The following CPEB4 variants were observed in gnomAD, a reference collection of about 807,000 sequenced individuals.
CPEB4 encodes cytoplasmic polyadenylation element binding protein 4.
A neutral mutation model predicts 72.5 loss-of-function variants in CPEB4; 12 were observed. The ratio of observed to expected loss-of-function variants is 0.17; its 90% CI spans 0.11 to 0.27. The LOEUF is 0.27. Among genes scored for constraint, CPEB4 ranks in the 10% least tolerant of loss-of-function variants. The pLI is 1.00. For synonymous variants in CPEB4, 302 were observed against 326.3 expected, an observed-to-expected ratio of 0.93 and a Z score of 0.80; for missense variants, 614 against 908.5, an observed-to-expected ratio of 0.68 and a Z score of 4.17.
rs926804666 is a variant in CPEB4, at chr5:173,911,805, A to G, written c.1207+1201A>G. Among the ~76,000 whole-genome samples, 8 of 144,574 alleles carry G rather than the reference A, an allele frequency of 5.5e-5. No homozygotes were observed. In the East Asian group the frequency reaches 1.0e-3, roughly 19 times the overall value. The allele number at this position is 144,574 out of a possible 152,430, so 94.8% of individuals were successfully genotyped here. A position where few individuals can be genotyped will look rare whatever the true frequency, so the allele number is the denominator to read the frequency against. Reference sequence around the variant, plus strand: ...TCATTCATTCAGTGATTCAATGTTTATGACACTGCTTTGTGCCAGACATAG... The same window carrying G: ...TCATTCATTCAGTGATTCAATGTTTGTGACACTGCTTTGTGCCAGACATAG... On this transcript the variant is annotated intron_variant, in intron 2 of 9. Coordinates refer to ENST00000265085, the MANE Select transcript of CPEB4 (RefSeq NM_030627.4).
chr5:173,925,521 C>T (rs1289032235), intron 2 of CPEB4, among the ~76,000 whole-genome samples: 1 of 151,982 alleles, frequency 6.6e-6, no homozygotes, highest in Non-Finnish European at 1.5e-5. Flanking sequence ...AAATTTATAC[C>T]ATTAAATTAT....
intron 1 of CPEB4, among the ~76,000 whole-genome samples, chr5:173,906,309 C>A (rs1223951272): frequency 1.3e-5 from 2 of 152,128 alleles, no homozygotes; most frequent in Non-Finnish European, 2.9e-5. Flanking sequence ...GGTACAGACA[C>A]ATTTTAGGAT....
chr5:173,917,347 T>G (rs549280090), intron 2 of CPEB4, among the ~76,000 whole-genome samples: 2 of 152,322 alleles, frequency 1.3e-5, no homozygotes, highest in East Asian at 3.9e-4. Context: ...AAGAACAGAT[T>G]ACTGGTACCC....
In CPEB4 at chr5:173,956,490, T is replaced by C. The variant is rs1192286433; in HGVS notation, c.*353T>C. 1.1e-5 allele frequency: 2 copies of C among 183,830 alleles called. No individual in the cohort carries two copies. Among genetic ancestry groups the C allele is most frequent in the Non-Finnish European group, 2.3e-5 (2 of 88,182 alleles). 11.4% of individuals were successfully genotyped at this position (183,830 alleles called of 1,614,324 possible). Reference sequence around the variant, plus strand: ...GTATTTTGGGTTTTTAATTAAATTATTGTTAATAATATAACATATAAGAAT... The same window carrying C: ...GTATTTTGGGTTTTTAATTAAATTACTGTTAATAATATAACATATAAGAAT... On this transcript the variant is annotated 3_prime_UTR_variant, in exon 10 of 10. Transcript: ENST00000265085.
intron 2 of CPEB4, among the ~76,000 whole-genome samples, chr5:173,918,988 T>C (rs1420163220): frequency 6.6e-6 from 1 of 152,220 alleles, no homozygotes; most frequent in Non-Finnish European, 1.5e-5. Flanking sequence ...GGAAGTATTA[T>C]AATAGTAAAC....
intron 2 of CPEB4, among the ~76,000 whole-genome samples, chr5:173,928,675 A>G (rs892468783): frequency 1.3e-5 from 2 of 152,212 alleles, no homozygotes; most frequent in African/African-American, 4.8e-5. Context: ...CCAATATAGC[A>G]GAGAGGATAT....
chr5:173,948,367 G>GGCGATCAAGATT (rs2113287693), intron 5 of CPEB4, among the ~76,000 whole-genome samples: 1 of 152,244 alleles, frequency 6.6e-6, no homozygotes, highest in East Asian at 1.9e-4. Flanking sequence ...AGAGAAACCA[G>GGCGATCAAGATT]GCGATCAAGA....
chr5:173,925,100 G>A (rs1232029060), intron 2 of CPEB4, among the ~76,000 whole-genome samples: 1 of 152,108 alleles, frequency 6.6e-6, no homozygotes, highest in African/African-American at 2.4e-5. Flanking sequence ...AGAGAGAGGA[G>A]GGCCTTCTAG....
intron 1 of CPEB4, among the ~76,000 whole-genome samples, chr5:173,905,471 T>C (rs1452482470): frequency 6.6e-6 from 1 of 151,828 alleles, no homozygotes; most frequent in Non-Finnish European, 1.5e-5. Context: ...GTAGCTGGGG[T>C]TACAGGCACC....
rs1758344254 is a variant in CPEB4, at chr5:173,955,298, A to AATGGTTTTAG, written c.1963-611_1963-610insTGGTTTTAGA. Among the ~76,000 whole-genome samples the AATGGTTTTAG allele has an allele frequency of 6.6e-6, 1 of 152,086 alleles. No homozygotes were observed. Among genetic ancestry groups the AATGGTTTTAG allele is most frequent in the Non-Finnish European group, 1.5e-5 (1 of 68,020 alleles). On this transcript the variant is annotated intron_variant, in intron 9 of 9. Coordinates refer to ENST00000265085, the MANE Select transcript of CPEB4 (RefSeq NM_030627.4). The surrounding 1 kb of genome is among the most constrained non-coding windows in gnomAD (Gnocchi z 4.7). ...AGGTGAACCATTCTTACTGAGAAAGAACAAAGCAGGGTTTTAGACTGTGAA... is the reference window on the plus strand; with the variant it reads ...AGGTGAACCATTCTTACTGAGAAAGAATGGTTTTAGACAAAGCAGGGTTTTAGACTGTGAA...
intron 2 of CPEB4, among the ~76,000 whole-genome samples, chr5:173,931,656 T>C (rs977346764): frequency 3.9e-5 from 6 of 152,204 alleles, no homozygotes; most frequent in Non-Finnish European, 2.9e-5. Context: ...GTGTACTCAG[T>C]AAGGATTTGT....
chr5:173,900,988 G>A lies in CPEB4; in HGVS notation c.1126-9535G>A, dbSNP rs1236503952. On this transcript the variant is annotated intron_variant, in intron 1 of 9. Transcript: ENST00000265085. This position sits in a 1 kb window ranked among gnomAD's most constrained non-coding sequence, Gnocchi z 4.4. Reference sequence around the variant, plus strand: ...TAGTATCACAAGTATCAAAGCTTGTGATAGATTTTAATTATTTCTCTCTGC... The same window carrying A: ...TAGTATCACAAGTATCAAAGCTTGTAATAGATTTTAATTATTTCTCTCTGC... Among the ~76,000 whole-genome samples, 3 of 152,112 alleles carry A rather than the reference G, an allele frequency of 2.0e-5. No individual in the cohort carries two copies. The highest frequency in any genetic ancestry group is 6.5e-5 in the Admixed American group (1 of 15,268).
At position 173,888,926 on chromosome 5, in the gene CPEB4, A is replaced by G. The variant is rs993435915; in HGVS notation, c.-808A>G. 8.8e-5 allele frequency: 15 copies of G among 170,542 alleles called. No homozygotes were observed. The highest frequency in any genetic ancestry group is 1.2e-4 in the Non-Finnish European group (10 of 80,174). 10.6% of individuals were successfully genotyped at this position (170,542 alleles called of 1,614,324 possible). On this transcript the variant is annotated 5_prime_UTR_variant, in exon 1 of 10. Coordinates refer to ENST00000265085, the MANE Select transcript of CPEB4 (RefSeq NM_030627.4). The surrounding 1 kb of genome is among the most constrained non-coding windows in gnomAD (Gnocchi z 4.3). ...CAAGAGGGAGAAACGGGTGTTTCCA[A>G]CCCCTTTCATGGGGGAGAGGAAGCC...
chr5:173,928,331 A>G (rs1757321280), intron 2 of CPEB4, among the ~76,000 whole-genome samples: 1 of 152,168 alleles, frequency 6.6e-6, no homozygotes, highest in South Asian at 2.1e-4. Flanking sequence ...AAGTAGTTGC[A>G]GTTTTTGCCA....
chr5:173,956,046 C>T lies in CPEB4; in HGVS notation c.2099C>T (p.Ala700Val). ...TATTACTGTGAATATTGCTGGGCTG[C>T]TATCCATTCTCGTGCTGGCAGGGAA... is the stretch of plus-strand genomic sequence containing the variant. Reference protein sequence around the residue: ...LQYYCEYCWAAIHSRAGREFH... With the variant: ...LQYYCEYCWAVIHSRAGREFH... Residue 700 changes from alanine (A) to valine (V), a missense_variant, in exon 10 of 10, where the codon GCT (alanine) becomes GTT (valine). By Grantham distance (64) the Ala-to-Val change is moderately conservative. Around this residue, in one of 5 missense-constraint regions of CPEB4, gnomAD observed 101 missense variants for 243.1 expected, o/e 0.42. Transcript: ENST00000265085. 1 of 1,614,150 alleles carries T rather than the reference C, an allele frequency of 6.2e-7. No individual in the cohort carries two copies. The highest frequency in any genetic ancestry group is 8.5e-7 in the Non-Finnish European group (1 of 1,180,020).
chr5:173,947,751 T>A (rs1351893), intron 5 of CPEB4, among the ~76,000 whole-genome samples: 17,360 of 152,154 alleles, frequency 0.11, 1,884 homozygotes, highest in East Asian at 0.51. Flanking sequence ...TCCTTCACTG[T>A]GAAGACTTAG....
At chr5:173,952,378 CGACT>C (rs2113300307) in intron 8 of CPEB4, among the ~76,000 whole-genome samples, 1 of 152,270 alleles carries the variant, frequency 6.6e-6, no homozygotes, top group Non-Finnish European at 1.5e-5. Flanking sequence ...TGCTCAACAG[CGACT>C]GACTGAGCTC....
chr5:173,933,368 A>G (rs183394394), intron 3 of CPEB4, among the ~76,000 whole-genome samples: 6 of 152,328 alleles, frequency 3.9e-5, no homozygotes, highest in Admixed American at 3.9e-4. Flanking sequence ...GGAGTTAAAA[A>G]TTATTTTTAT....
intron 1 of CPEB4, among the ~76,000 whole-genome samples, chr5:173,903,008 A>G (rs941757017): frequency 6.6e-6 from 1 of 151,832 alleles, no homozygotes; most frequent in African/African-American, 2.4e-5. Flanking sequence ...TGAGAGAGAG[A>G]AGACATGTCA....
Sources: allele counts gnomAD v4.1 joint callset (sites outside exome capture counted in the v4.1 genomes callset), GRCh38; gene constraint gnomAD v4.1.1; regional missense constraint gnomAD v4.1.1; non-coding constraint Gnocchi (gnomAD v3.1); transcripts MANE v1.5; gene names NCBI Gene and HGNC (gene_info 2026-07-23, HGNC 2026-07-21).